Variants in METTL15 observed in about 807,000 individuals in gnomAD.
The protein encoded by METTL15 is 12S rRNA N(4)-cytidine methyltransferase METTL15.
A neutral mutation model predicts 38.3 loss-of-function variants in METTL15; 34 were observed. The ratio of observed to expected loss-of-function variants is 0.89; its 90% CI spans 0.68 to 1.18. METTL15 has a LOEUF of 1.18. Ranked by LOEUF, METTL15 falls within the 50% of genes most tolerant of loss-of-function variation. METTL15 has a pLI of 0.00. For missense variants in METTL15, 438 were observed against 498.4 expected (o/e 0.88, Z 1.15); for synonymous variants, 162 against 170.9 (o/e 0.95, Z 0.41).
intron 5 of METTL15, among the ~76,000 whole-genome samples, chr11:28,363,464 A>T (rs1850158271): frequency 6.6e-6 from 1 of 152,076 alleles, no homozygotes; most frequent in South Asian, 2.1e-4. Context: ...GAGCCACTGC[A>T]CCCAGCCTTC....
intron 4 of METTL15, among the ~76,000 whole-genome samples, chr11:28,270,627 A>G (rs1855606028): frequency 6.6e-6 from 1 of 152,216 alleles, no homozygotes; most frequent in Non-Finnish European, 1.5e-5. Context: ...TATCTGATGT[A>G]TAAAATAGGT....
intron 6 of METTL15, among the ~76,000 whole-genome samples, chr11:28,451,780 C>G (rs973964828): frequency 5.3e-5 from 8 of 152,158 alleles, no homozygotes; most frequent in Non-Finnish European, 8.8e-5. Flanking sequence ...AGCCAAGATC[C>G]CTTCATTCTG....
At chr11:28,481,238 G>C (rs1165714256) in intron 6 of METTL15, among the ~76,000 whole-genome samples, 1 of 152,096 alleles carries the variant, frequency 6.6e-6, no homozygotes, top group Non-Finnish European at 1.5e-5. Flanking sequence ...GTGGAAAATT[G>C]CTCCAGAAGG....
chr11:28,216,555 G>T (rs1367807397), intron 4 of METTL15, among the ~76,000 whole-genome samples: 2 of 151,822 alleles, frequency 1.3e-5, no homozygotes, highest in African/African-American at 4.8e-5. Context: ...CAATCTAGTA[G>T]TGAGAAACTT....
At chr11:28,214,423 T>G (rs1852777986) in intron 4 of METTL15, among the ~76,000 whole-genome samples, 1 of 152,194 alleles carries the variant, frequency 6.6e-6, no homozygotes, top group South Asian at 2.1e-4. Context: ...AAGGAAATAC[T>G]AGTATATCTA....
At chr11:28,438,374 G>A (rs964448890) in intron 6 of METTL15, among the ~76,000 whole-genome samples, 2 of 152,232 alleles carry the variant, frequency 1.3e-5, no homozygotes, top group African/African-American at 4.8e-5. Flanking sequence ...GAAACGGCGA[G>A]TGCCTGTGTC....
At chr11:28,358,029 A>G (rs774325302) in intron 4 of METTL15, among the ~76,000 whole-genome samples, 2 of 152,052 alleles carry the variant, frequency 1.3e-5, no homozygotes, top group Non-Finnish European at 2.9e-5. Flanking sequence ...ATCTGTGGTT[A>G]TTAAGATAGA....
chr11:28,203,463 A>G (rs1423322083), intron 3 of METTL15, among the ~76,000 whole-genome samples: 4 of 152,136 alleles, frequency 2.6e-5, no homozygotes, highest in African/African-American at 9.7e-5. Context: ...TTCCATATGT[A>G]TCTATCTTCA....
Position 28,202,522 on chromosome 11 carries a change from A to G in METTL15, c.271-8540A>G, listed in dbSNP as rs557944782. Among the ~76,000 whole-genome samples the G allele has an allele frequency of 2.4e-3, 359 of 152,110 alleles. 3 individuals are homozygous for G. The highest frequency in any genetic ancestry group is 7.8e-3 in the African/African-American group (323 of 41,514). On this transcript the variant is annotated intron_variant, in intron 3 of 6. Transcript: ENST00000407364. Reference sequence around the variant, plus strand: ...ACAAGACTGGAAGGCCTATAATGTAATATCTACCTGTTATCATCTCTTCTA... The same window carrying G: ...ACAAGACTGGAAGGCCTATAATGTAGTATCTACCTGTTATCATCTCTTCTA...
intron 5 of METTL15, among the ~76,000 whole-genome samples, chr11:28,396,942 G>A (rs534112190): frequency 1.3e-5 from 2 of 149,880 alleles, no homozygotes; most frequent in African/African-American, 5.0e-5. Context: ...TACCACACAT[G>A]TACAACCATC....
At chr11:28,456,050 G>A (rs984155807) in intron 6 of METTL15, among the ~76,000 whole-genome samples, 3 of 151,928 alleles carry the variant, frequency 2.0e-5, no homozygotes, top group Admixed American at 6.6e-5. Context: ...CCATCATGCC[G>A]GCTGGCATGC....
At chr11:28,411,640 G>GAAT (rs1295235710) in intron 5 of METTL15, among the ~76,000 whole-genome samples, 3 of 151,480 alleles carry the variant, frequency 2.0e-5, no homozygotes, top group African/African-American at 7.3e-5. Flanking sequence ...AAAATTCCTA[G>GAAT]AAGACATAGG....
intron 4 of METTL15, among the ~76,000 whole-genome samples, chr11:28,289,525 A>G (rs1380222825): frequency 6.6e-6 from 1 of 152,162 alleles, no homozygotes; most frequent in Non-Finnish European, 1.5e-5. Flanking sequence ...GCTTCTGAAG[A>G]ACCATAAAGG....
intron 5 of METTL15, among the ~76,000 whole-genome samples, chr11:28,385,108 T>C (rs1169683110): frequency 1.3e-5 from 2 of 152,174 alleles, no homozygotes. Context: ...GTTTACTCTG[T>C]TGATAGTTTC....
intron 6 of METTL15, among the ~76,000 whole-genome samples, chr11:28,511,882 C>G (rs1027640715): frequency 1.1e-4 from 16 of 152,148 alleles, no homozygotes; most frequent in Admixed American, 2.6e-4. Context: ...CTGGCCCCAC[C>G]CACATCCTGC....
chr11:28,393,212 G>A (rs1351456599), intron 5 of METTL15, among the ~76,000 whole-genome samples: 1 of 151,996 alleles, frequency 6.6e-6, no homozygotes, highest in Non-Finnish European at 1.5e-5. Context: ...TTTTAAAGAG[G>A]TATTTACACA....
chr11:28,181,365 G>A (rs767239106), intron 3 of METTL15, among the ~76,000 whole-genome samples: 2 of 146,118 alleles, frequency 1.4e-5, no homozygotes, highest in Non-Finnish European at 3.0e-5. Context: ...TCATCAACCC[G>A]TCATCTACAA....
intron 6 of METTL15, among the ~76,000 whole-genome samples, chr11:28,459,394 A>G (rs1851196779): frequency 6.6e-6 from 1 of 152,186 alleles, no homozygotes; most frequent in Admixed American, 6.5e-5. Context: ...AGGCAAAAAT[A>G]TGACAGCCAG....
intron 6 of METTL15, among the ~76,000 whole-genome samples, chr11:28,456,429 T>G (rs2440004): frequency 0.99 from 150,548 of 151,884 alleles, 74,628 homozygotes; most frequent in Non-Finnish European, 1. Context: ...TTGTTTTTTT[T>G]TTTGTTTGTT....
Sources: allele counts gnomAD v4.1 joint callset (sites outside exome capture counted in the v4.1 genomes callset), GRCh38; gene constraint gnomAD v4.1.1; transcripts MANE v1.5; gene names NCBI Gene and HGNC (gene_info 2026-07-23, HGNC 2026-07-21).